Variants in CACNA1S observed in about 807,000 individuals in gnomAD.
CACNA1S encodes the protein calcium voltage-gated channel subunit alpha1 S.
Under a neutral mutation model 207.4 loss-of-function variants are expected in CACNA1S, and 126 were observed. That is an observed-to-expected ratio of 0.61 (90% confidence interval 0.53 to 0.70). The LOEUF (loss-of-function observed/expected upper bound fraction) is 0.70. Among genes scored for constraint, CACNA1S ranks in the 30% least tolerant of loss-of-function variants. The probability of loss-of-function intolerance (pLI) is 0.00; values close to 1 mark genes in which losing one functional copy is unlikely to be tolerated. For synonymous variants in CACNA1S, 960 were observed against 932.7 expected, an observed-to-expected ratio of 1.03 and a Z score of -0.53; for missense variants, 2,349 against 2,422.8, an observed-to-expected ratio of 0.97 and a Z score of 0.64.
intron 2 of CACNA1S, among the ~76,000 whole-genome samples, chr1:201,104,471 G>A (rs1424141513): frequency 1.3e-5 from 2 of 152,298 alleles, no homozygotes; most frequent in East Asian, 3.9e-4. Flanking sequence ...TAACCCCAAT[G>A]GTTAGAGTTT....
At position 201,066,843 on chromosome 1, in the gene CACNA1S, C is replaced by A. The variant is rs138825802; in HGVS notation, c.2657+44G>T. 531 of 1,433,584 alleles carry A rather than the reference C, an allele frequency of 3.7e-4. No homozygotes were observed. Among genetic ancestry groups the A allele is most frequent in the Middle Eastern group, 2.2e-3 (12 of 5,512 alleles). The allele number at this position is 1,433,584 out of a possible 1,614,324, so 88.8% of individuals were successfully genotyped here. On this transcript the variant is annotated intron_variant, in intron 20 of 43. Coordinates refer to ENST00000362061, the MANE Select transcript of CACNA1S (RefSeq NM_000069.3). This position sits in a 1 kb window ranked among gnomAD's most constrained non-coding sequence, Gnocchi z 4.3. Reference sequence around the variant, plus strand: ...CCCACTACAAAGCCCTGGCACAGAGCAGAGGGTGGTCTGTGCCCAGGGCTG... The same window carrying A: ...CCCACTACAAAGCCCTGGCACAGAGAAGAGGGTGGTCTGTGCCCAGGGCTG...
intron 2 of CACNA1S, among the ~76,000 whole-genome samples, chr1:201,096,169 T>C (rs1412010921): frequency 6.6e-6 from 1 of 152,222 alleles, no homozygotes; most frequent in African/African-American, 2.4e-5. Context: ...TCAGGGGCTG[T>C]GGGCTTCAGA....
intron 3 of CACNA1S, 117 bp downstream of exon 3, chr1:201,093,765 A>G: frequency 7.9e-7 from 1 of 1,271,974 alleles, no homozygotes; most frequent in Non-Finnish European, 1.1e-6. Context: ...TGCTCCATGC[A>G]GTGGTTAGCA....
chr1:201,053,117 C>T lies in CACNA1S; in HGVS notation c.3861+92G>A, dbSNP rs938863175. On this transcript the variant is annotated intron_variant, in intron 31 of 43. Transcript: ENST00000362061. This position sits in a 1 kb window ranked among gnomAD's most constrained non-coding sequence, Gnocchi z 5.1. The stretch of plus-strand genomic sequence containing the variant: ...AAGGCAGGGAGGGCGGAGGGTCCAG[C>T]CCGTGTGCTGCTCAGGCTCCTCAGG... 3.5e-6 allele frequency: 5 copies of T among 1,415,934 alleles called. No homozygotes were observed. The highest frequency in any genetic ancestry group is 5.0e-6 in the Non-Finnish European group (5 of 999,316). The allele number at this position is 1,415,934 out of a possible 1,614,324, so 87.7% of individuals were successfully genotyped here. A position where few individuals can be genotyped will look rare whatever the true frequency, so the allele number is the denominator to read the frequency against.
chr1:201,059,335 G>GCCGGGTTT, intron 26 of CACNA1S, 36 bp from the exon 27 acceptor site: 3 of 1,394,444 alleles, frequency 2.2e-6, no homozygotes, highest in Non-Finnish European at 3.1e-6. Context: ...GGTCAGGGGG[G>GCCGGGTTT]CCGGGTTTGC....
chr1:201,049,559 C>A (rs2102556476), intron 34 of CACNA1S, among the ~76,000 whole-genome samples: 1 of 152,202 alleles, frequency 6.6e-6, no homozygotes, highest in African/African-American at 2.4e-5. Context: ...ACAGAACAAC[C>A]AGGGAGGTCA....
intron 2 of CACNA1S, among the ~76,000 whole-genome samples, chr1:201,099,979 C>G (rs893246634): frequency 1.3e-5 from 2 of 152,156 alleles, no homozygotes. Context: ...AAGCAGGACC[C>G]AGCCTCGATT....
At position 201,059,312 on chromosome 1, in the gene CACNA1S, C is replaced by A. The variant is rs755431424; in HGVS notation, c.3415-13G>T. The A allele has an allele frequency of 9.0e-5, 143 of 1,586,202 alleles. No homozygotes were observed. The highest frequency in any genetic ancestry group is 3.8e-4 in the Admixed American group (23 of 59,914). ...ACTGGTTGTAGTGCTGTGGAGGGGA[C>A]ACAGGAGCAGTGGGTCAGGGGGGCC... is the stretch of plus-strand genomic sequence containing the variant. On this transcript the variant is annotated splice_polypyrimidine_tract_variant and intron_variant, in intron 26 of 43. Coordinates refer to ENST00000362061, the MANE Select transcript of CACNA1S (RefSeq NM_000069.3).
rs77735972 is a variant in CACNA1S, at chr1:201,106,871, G to C, written c.258+3293C>G. 8.6e-3 allele frequency among the ~76,000 whole-genome samples: 1,317 copies of C among 152,304 alleles called. 19 individuals carry two copies. The highest frequency in any genetic ancestry group is 0.03 in the African/African-American group (1,259 of 41,578). On this transcript the variant is annotated intron_variant, in intron 2 of 43. Coordinates refer to ENST00000362061, the MANE Select transcript of CACNA1S (RefSeq NM_000069.3). Reference sequence around the variant, plus strand: ...GGGAAACAGTAAGTACCCAGAATCGGGGAGGGCCTTGGAGGCTCAACCTCA... The same window carrying C: ...GGGAAACAGTAAGTACCCAGAATCGCGGAGGGCCTTGGAGGCTCAACCTCA...
intron 27 of CACNA1S, among the ~76,000 whole-genome samples, chr1:201,058,904 C>T (rs1660944241): frequency 6.6e-6 from 1 of 152,188 alleles, no homozygotes; most frequent in African/African-American, 2.4e-5. Flanking sequence ...AGATTTTCCC[C>T]CAGCCCTGGG....
In CACNA1S at chr1:201,048,631, A is replaced by G; in HGVS notation, c.4392T>C (p.Asn1464=). The change falls in exon 36 of 44, where the codon AAT becomes AAC. Residue 1464 remains asparagine, a synonymous_variant. Transcript: ENST00000362061. ...TGCGGACCAGGGCAAAGAGTGTGGCATTGAAGGTGACTGTGCCGTCGCTGT... is the reference window on the plus strand; with the variant it reads ...TGCGGACCAGGGCAAAGAGTGTGGCGTTGAAGGTGACTGTGCCGTCGCTGT... ...PLNSDGTVTF[N]ATLFALVRTA... 1 of 1,613,966 alleles carries G rather than the reference A, an allele frequency of 6.2e-7. No homozygotes were observed. The highest frequency in any genetic ancestry group is 8.5e-7 in the Non-Finnish European group (1 of 1,180,040).
chr1:201,097,110 G>A lies in CACNA1S; in HGVS notation c.259-3089C>T, dbSNP rs755730683. On this transcript the variant is annotated intron_variant, in intron 2 of 43. Transcript: ENST00000362061. The stretch of plus-strand genomic sequence containing the variant: ...CCGGGTCCCAGTGTCCAGCAGGTCC[G>A]GGCCATTCCACCCCTACCGTCTCCT... 3.8e-4 allele frequency among the ~76,000 whole-genome samples: 58 copies of A among 151,830 alleles called. 1 individual carries two copies. The highest frequency in any genetic ancestry group is 6.6e-4 in the Non-Finnish European group (45 of 67,962).
Position 201,088,011 on chromosome 1 carries a change from C to T in CACNA1S, c.901-82G>A, listed in dbSNP as rs1459132643. On this transcript the variant is annotated intron_variant, in intron 6 of 43. Transcript: ENST00000362061. ...GTCTGCTCATTAAGACTCCACCCAA[C>T]CCTGGGGGACAAGGAGAGAAGCCAC... 5 of 894,678 alleles carry T rather than the reference C, an allele frequency of 5.6e-6. No individual in the cohort carries two copies. In the African/African-American group the frequency reaches 6.6e-5, roughly 12 times the overall value. 55.4% of individuals were successfully genotyped at this position (894,678 alleles called of 1,614,324 possible). A position where few individuals can be genotyped will look rare whatever the true frequency, so the allele number is the denominator to read the frequency against.
At position 201,044,208 on chromosome 1, in the gene CACNA1S, T is replaced by C. The variant is rs2297906; in HGVS notation, c.4797+120A>G. On this transcript the variant is annotated intron_variant, in intron 39 of 43. Transcript: ENST00000362061. ...TGGGTGGTGAAGTGGAGAGACGGAG[T>C]GGGGTATCTTCAGCTCCCATGTCCC... 0.48 allele frequency: 589,640 copies of C among 1,217,694 alleles called. 148,088 individuals carry two copies. The highest frequency in any genetic ancestry group is 0.79 in the African/African-American group (53,011 of 66,956). The allele number at this position is 1,217,694 out of a possible 1,614,324, so 75.4% of individuals were successfully genotyped here.
At chr1:201,057,916 G>C (rs185176372) in intron 28 of CACNA1S, among the ~76,000 whole-genome samples, 1 of 152,134 alleles carries the variant, frequency 6.6e-6, no homozygotes, top group Non-Finnish European at 1.5e-5. Context: ...CACTCTCACC[G>C]CTTAGCTCTC....
intron 9 of CACNA1S, among the ~76,000 whole-genome samples, chr1:201,083,787 T>C (rs991308989): frequency 2.6e-5 from 4 of 152,178 alleles, no homozygotes; most frequent in African/African-American, 9.7e-5. Flanking sequence ...TTATTAATGT[T>C]TTATTATTTA....
rs752954170 is a variant in CACNA1S, at chr1:201,051,057, C to T, written c.4040G>A (p.Gly1347Glu). 1.9e-6 allele frequency: 3 copies of T among 1,614,196 alleles called. No individual in the cohort carries two copies. Among genetic ancestry groups the T allele is most frequent in the Non-Finnish European group, 2.5e-6 (3 of 1,180,020 alleles). ...LCDPESDYAP[G>E]EEYTCGTNFA... ...GTTGGTGCCACATGTGTACTCCTCC[C>T]CTGGGGCATAGTCCGACTCTGGGTC... The change falls in exon 33 of 44, where the codon GGG (glycine) becomes GAG (glutamate). Residue 1347 changes from glycine to glutamate, a missense_variant. Transcript: ENST00000362061.
At chr1:201,098,242 G>T (rs1219745117) in intron 2 of CACNA1S, among the ~76,000 whole-genome samples, 1 of 152,240 alleles carries the variant, frequency 6.6e-6, no homozygotes, top group African/African-American at 2.4e-5. Flanking sequence ...GGGCACTGCT[G>T]CTAGAGGTGC....
chr1:201,073,319 T>C (rs751191408), intron 15 of CACNA1S, among the ~76,000 whole-genome samples: 40 of 142,626 alleles, frequency 2.8e-4, no homozygotes, highest in Non-Finnish European at 5.3e-4. Flanking sequence ...GCTGCTACGC[T>C]GGAGAAGTCT....
Sources: gnomAD v4.1 joint callset for allele counts (sites outside exome capture counted in the v4.1 genomes callset) on GRCh38, gnomAD v4.1.1 for gene constraint, Gnocchi (gnomAD v3.1) non-coding constraint, MANE v1.5 for transcripts, NCBI Gene and HGNC (gene_info 2026-07-23, HGNC 2026-07-21) for gene names.